Variants in ZNF562 observed in about 807,000 individuals in gnomAD.
ZNF562 encodes the protein zinc finger protein 562.
Under a neutral mutation model 17.5 loss-of-function variants are expected in ZNF562, and 13 were observed. That is an observed-to-expected ratio of 0.74 (90% CI 0.48 to 1.18). The LOEUF is 1.18. Ranked by LOEUF, ZNF562 falls within the 50% of genes most tolerant of loss-of-function variation. The probability of loss-of-function intolerance (pLI) is 0.00; values close to 1 mark genes in which losing one functional copy is unlikely to be tolerated. For synonymous variants in ZNF562, 163 were observed against 165.4 expected (o/e 0.99, Z 0.11); for missense variants, 481 against 498.5 (o/e 0.96, Z 0.33).
chr19:9,662,234 G>A (rs1186969639), intron 1 of ZNF562, among the ~76,000 whole-genome samples: 1 of 152,136 alleles, frequency 6.6e-6, no homozygotes, highest in Non-Finnish European at 1.5e-5. Context: ...GTGTGTTATT[G>A]ATAACTTCAT....
intron 1 of ZNF562, among the ~76,000 whole-genome samples, chr19:9,669,816 C>A (rs1018259648): frequency 4.6e-5 from 7 of 151,336 alleles, no homozygotes; most frequent in Admixed American, 4.6e-4. Context: ...AATCCCAGCT[C>A]TTTAGGAGGC....
rs1243428745 is a variant in ZNF562 at position 9,653,380 on chromosome 19, C to G, written c.850G>C (p.Gly284Arg). The G allele has an allele frequency of 6.2e-7, 1 of 1,614,120 alleles. No individual in the cohort carries two copies. Among genetic ancestry groups the G allele is most frequent in the Admixed American group, 1.7e-5 (1 of 60,006 alleles). ...QLSAHAKTHK[G>R]EKSFECKECG... ...TCTTTACATTCAAAGGACTTCTCTC[C>G]TTTATGAGTTTTTGCATGTGCAGAA... The change falls in exon 6 of 6, where the codon GGA becomes CGA. Residue 284 changes from glycine (G) to arginine (R), a missense_variant. Gly to Arg is a moderately radical substitution (Grantham distance 125). Transcript: ENST00000453372.
chr19:9,645,308 G>T lies in ZNF562; in HGVS notation c.*7641C>A, dbSNP rs1165270501. 6.6e-6 allele frequency: 1 copy of T among 152,136 alleles called. No individual in the cohort carries two copies. Among genetic ancestry groups the T allele is most frequent in the African/African-American group, 2.4e-5 (1 of 41,406 alleles). 9.4% of individuals were successfully genotyped at this position (152,136 alleles called of 1,614,324 possible). Reference sequence around the variant, plus strand: ...GATCCAACCATCTCAGCCTCCCAAAGTGCTGGGTTTAAAGGCATGAGCCAC... The same window carrying T: ...GATCCAACCATCTCAGCCTCCCAAATTGCTGGGTTTAAAGGCATGAGCCAC... On this transcript the variant is annotated 3_prime_UTR_variant, in exon 6 of 6. Coordinates refer to ENST00000453372, the MANE Select transcript of ZNF562 (RefSeq NM_001130031.2).
At chr19:9,672,022 G>A (rs150004832) in intron 1 of ZNF562, among the ~76,000 whole-genome samples, 10 of 152,212 alleles carry the variant, frequency 6.6e-5, no homozygotes, top group East Asian at 1.9e-4. Flanking sequence ...GTAGGAAATC[G>A]CATGAAATAA....
chr19:9,642,129 G>A lies in ZNF562; in HGVS notation c.*10820C>T, dbSNP rs76767474. 5,961 of 151,724 alleles carry A rather than the reference G, an allele frequency of 0.039. 332 individuals are homozygous for A. The highest frequency in any genetic ancestry group is 0.17 in the Admixed American group (2,580 of 15,208). The allele number at this position is 151,724 out of a possible 1,614,324, so 9.4% of individuals were successfully genotyped here. On this transcript the variant is annotated 3_prime_UTR_variant, in exon 6 of 6. Coordinates refer to ENST00000453372, the MANE Select transcript of ZNF562 (RefSeq NM_001130031.2). Reference sequence around the variant, plus strand: ...TGGCAGGGTACATTCACTAGGTGGGGGAGGATGTATCTTATAAAGTACATT... The same window carrying A: ...TGGCAGGGTACATTCACTAGGTGGGAGAGGATGTATCTTATAAAGTACATT...
At chr19:9,670,685 G>A (rs545468014) in intron 1 of ZNF562, among the ~76,000 whole-genome samples, 17 of 152,034 alleles carry the variant, frequency 1.1e-4, no homozygotes, top group South Asian at 2.1e-4. Context: ...GGAAGGAGAC[G>A]GAGATAAAGA....
At chr19:9,668,497 T>A (rs995870870) in intron 1 of ZNF562, among the ~76,000 whole-genome samples, 4 of 152,198 alleles carry the variant, frequency 2.6e-5, no homozygotes, top group Non-Finnish European at 5.9e-5. Context: ...AGACATTCCA[T>A]GCTCATGGAT....
At chr19:9,670,481 G>T (rs2044149403) in intron 1 of ZNF562, among the ~76,000 whole-genome samples, 1 of 151,006 alleles carries the variant, frequency 6.6e-6, no homozygotes, top group Admixed American at 6.7e-5. Flanking sequence ...TATATAGACA[G>T]CAGATTATTA....
intron 1 of ZNF562, among the ~76,000 whole-genome samples, chr19:9,673,839 C>CT (rs1331198205): frequency 1.3e-5 from 2 of 151,958 alleles, no homozygotes; most frequent in African/African-American, 4.8e-5. Context: ...AACCCCATCT[C>CT]TACCAAAAAT....
rs182072620 is a variant in ZNF562, at chr19:9,648,040, C to T, written c.*4909G>A. The T allele has an allele frequency of 3.9e-5, 6 of 152,276 alleles. No individual in the cohort carries two copies. The East Asian group carries it at 1.2e-3, about 29-fold the overall frequency. The allele number at this position is 152,276 out of a possible 1,614,324, so 9.4% of individuals were successfully genotyped here. On this transcript the variant is annotated 3_prime_UTR_variant, in exon 6 of 6. Transcript: ENST00000453372. ...GATTACAGGCCTGAGCCACTATTCC[C>T]AACCTAGATGACTCTTATAGATTAA...
In ZNF562 at chr19:9,645,169, C is replaced by T. The variant is rs2074798218; in HGVS notation, c.*7780G>A. Reference sequence around the variant, plus strand: ...TTGAAGTGATTCTCCCATCTCAGCCCCCAAGTAGCTGGGACTACAGGTGAG... The same window carrying T: ...TTGAAGTGATTCTCCCATCTCAGCCTCCAAGTAGCTGGGACTACAGGTGAG... On this transcript the variant is annotated 3_prime_UTR_variant, in exon 6 of 6. Transcript: ENST00000453372. 1 of 152,016 alleles carries T rather than the reference C, an allele frequency of 6.6e-6. No individual in the cohort carries two copies. Among genetic ancestry groups the T allele is most frequent in the Non-Finnish European group, 1.5e-5 (1 of 68,032 alleles). 9.4% of individuals were successfully genotyped at this position (152,016 alleles called of 1,614,324 possible). A position where few individuals can be genotyped will look rare whatever the true frequency, so the allele number is the denominator to read the frequency against.
rs1284648203 is a variant in ZNF562, at chr19:9,652,817, C to A, written c.*132G>T. The A allele has an allele frequency of 1.3e-6, 1 of 770,498 alleles. No individual in the cohort carries two copies. The highest frequency in any genetic ancestry group is 3.0e-5 in the South Asian group (1 of 33,830). 47.7% of individuals were successfully genotyped at this position (770,498 alleles called of 1,614,324 possible). ...ATAGTATTTCTCCCCAGTGTGAATT[C>A]TTTCATGCATACTTAGGCATGAGGA... On this transcript the variant is annotated 3_prime_UTR_variant, in exon 6 of 6. Transcript: ENST00000453372.
intron 1 of ZNF562, among the ~76,000 whole-genome samples, chr19:9,666,098 G>T (rs932227892): frequency 6.6e-6 from 1 of 151,944 alleles, no homozygotes; most frequent in Non-Finnish European, 1.5e-5. Context: ...GCCGAGGTGG[G>T]TGGATCTTCT....
chr19:9,667,793 A>G (rs1232611404), intron 1 of ZNF562, among the ~76,000 whole-genome samples: 1 of 151,816 alleles, frequency 6.6e-6, no homozygotes, highest in Non-Finnish European at 1.5e-5. Flanking sequence ...GGGGTCCTCA[A>G]TATATTACCC....
At position 9,645,701 on chromosome 19, in the gene ZNF562, G is replaced by C. The variant is rs975334535; in HGVS notation, c.*7248C>G. On this transcript the variant is annotated 3_prime_UTR_variant, in exon 6 of 6. Coordinates refer to ENST00000453372, the MANE Select transcript of ZNF562 (RefSeq NM_001130031.2). ...AAGGAGCCTATTCTTTCTGCCACCA[G>C]ATCTGTCTAATAGCTTGTGTGACAA... is the stretch of plus-strand genomic sequence containing the variant. 1 of 152,188 alleles carries C rather than the reference G, an allele frequency of 6.6e-6. No homozygotes were observed. The highest frequency in any genetic ancestry group is 1.5e-5 in the Non-Finnish European group (1 of 68,040). The allele number at this position is 152,188 out of a possible 1,614,324, so 9.4% of individuals were successfully genotyped here.
intron 1 of ZNF562, among the ~76,000 whole-genome samples, chr19:9,669,769 CACACACAA>C (rs1453116436): frequency 1.5e-4 from 23 of 151,172 alleles, no homozygotes; most frequent in African/African-American, 4.6e-4. Context: ...CACACACACA[CACACACAA>C]CCAGTCAGGG....
intron 1 of ZNF562, among the ~76,000 whole-genome samples, chr19:9,669,734 G>GCCCA: frequency 9.1e-6 from 1 of 109,302 alleles, no homozygotes; most frequent in East Asian, 3.0e-4. Flanking sequence ...GCGCGCGCGC[G>GCCCA]CACACACACA....
chr19:9,659,593 C>G, intron 2 of ZNF562, 126 bp from the exon 3 acceptor site: 1 of 1,200,774 alleles, frequency 8.3e-7, no homozygotes, highest in Non-Finnish European at 1.1e-6. Flanking sequence ...ACACACACAA[C>G]ACTTCCATGA....
At chr19:9,667,801 C>A (rs932534106) in intron 1 of ZNF562, among the ~76,000 whole-genome samples, 2 of 151,768 alleles carry the variant, frequency 1.3e-5, no homozygotes, top group Non-Finnish European at 2.9e-5. Flanking sequence ...CAATATATTA[C>A]CCAGGCTGAC....
Sources: gnomAD v4.1 joint callset for allele counts (sites outside exome capture counted in the v4.1 genomes callset) on GRCh38, gnomAD v4.1.1 for gene constraint, MANE v1.5 for transcripts, NCBI Gene and HGNC (gene_info 2026-07-23, HGNC 2026-07-21) for gene names.